Variants in ARRB1 observed in about 807,000 individuals in gnomAD.
ARRB1 encodes beta-arrestin-1.
A neutral mutation model predicts 56.8 loss-of-function variants in ARRB1; 21 were observed. The ratio of observed to expected loss-of-function variants is 0.37; its 90% CI spans 0.26 to 0.53. The LOEUF is 0.53. ARRB1 is among the 20% of genes least tolerant of loss of function. The pLI, the probability that ARRB1 is intolerant of heterozygous loss-of-function variation, is 0.88. For missense variants in ARRB1, 424 were observed against 553.7 expected (o/e 0.77, Z 2.35); for synonymous variants, 210 against 218.6 (o/e 0.96, Z 0.35).
At position 75,280,424 on chromosome 11, in the gene ARRB1, T is replaced by A. The variant is rs951294674; in HGVS notation, c.482+651A>T. On this transcript the variant is annotated intron_variant, in intron 7 of 15. Transcript: ENST00000420843. ...ACCAGTGCCTCTGGATGCAGGCACA[T>A]CAGCGTCGAGGGCCCACCAGCTATT... 3.9e-5 allele frequency among the ~76,000 whole-genome samples: 6 copies of A among 152,324 alleles called. No homozygotes were observed. In the South Asian group the frequency reaches 1.2e-3, roughly 32 times the overall value.
chr11:75,277,511 G>A (rs2140415101), intron 8 of ARRB1, 63 bp from the exon 9 acceptor site: 2 of 1,457,292 alleles, frequency 1.4e-6, no homozygotes, highest in Non-Finnish European at 1.9e-6. Context: ...GGAAAGGGGA[G>A]GGAGAAAAGC....
chr11:75,290,544 T>C (rs955721524), intron 1 of ARRB1, among the ~76,000 whole-genome samples: 1 of 151,336 alleles, frequency 6.6e-6, no homozygotes, highest in Non-Finnish European at 1.5e-5. Flanking sequence ...GGGCCTGAAG[T>C]CCCTCTCTTG....
At chr11:75,332,723 C>T (rs994999362) in intron 1 of ARRB1, among the ~76,000 whole-genome samples, 3 of 152,020 alleles carry the variant, frequency 2.0e-5, no homozygotes, top group Non-Finnish European at 2.9e-5. Context: ...GGTGAAACCC[C>T]GTCTCAACTA....
intron 1 of ARRB1, among the ~76,000 whole-genome samples, chr11:75,298,119 C>T (rs1001267464): frequency 1.3e-5 from 2 of 150,888 alleles, no homozygotes; most frequent in Admixed American, 6.6e-5. Flanking sequence ...GGAGGGATAG[C>T]ATTAGGAGAA....
At chr11:75,300,202 CAAA>C (rs10557397) in intron 1 of ARRB1, among the ~76,000 whole-genome samples, 11 of 87,294 alleles carry the variant, frequency 1.3e-4, no homozygotes, top group Non-Finnish European at 1.7e-4. Context: ...GACTCTGTCT[CAAA>C]AAAAAAAAAA....
chr11:75,343,761 G>A (rs2134999026), intron 1 of ARRB1, among the ~76,000 whole-genome samples: 1 of 152,102 alleles, frequency 6.6e-6, no homozygotes, highest in Non-Finnish European at 1.5e-5. Context: ...CCCAGAGGAG[G>A]CCCCAGAGCA....
Position 75,287,319 on chromosome 11 carries a change from A to G in ARRB1, c.108T>C (p.Pro36=). 2 of 1,555,150 alleles carry G rather than the reference A, an allele frequency of 1.3e-6. No individual in the cohort carries two copies. The highest frequency in any genetic ancestry group is 1.7e-6 in the Non-Finnish European group (2 of 1,148,816). ...TCTCGCCCTCCAGGGACTCACCCAC[A>G]GGGTCCACGAGGTCGATGTGGTCCA... is the stretch of plus-strand genomic sequence containing the variant. ...DFVDHIDLVD[P]VDGVVLVDPE... Residue 36 remains proline, a synonymous_variant, in exon 3 of 16, where the codon CCT becomes CCC. Coordinates refer to ENST00000420843, the MANE Select transcript of ARRB1 (RefSeq NM_004041.5).
chr11:75,321,212 C>T (rs754678475), intron 1 of ARRB1, among the ~76,000 whole-genome samples: 1 of 151,884 alleles, frequency 6.6e-6, no homozygotes, highest in Non-Finnish European at 1.5e-5. Context: ...GACCTCAGCA[C>T]GTGGAAGAAA....
intron 1 of ARRB1, among the ~76,000 whole-genome samples, chr11:75,328,124 A>G (rs1039579503): frequency 6.6e-6 from 1 of 152,092 alleles, no homozygotes. Context: ...ACCCCTGGCA[A>G]CTACCAGTGT....
intron 1 of ARRB1, chr11:75,312,049 A>C: frequency 7.8e-7 from 1 of 1,289,124 alleles, no homozygotes; most frequent in Non-Finnish European, 1.0e-6. Context: ...CCCCTCCTCT[A>C]AGTGCTGATC....
At chr11:75,312,284 G>A (rs907000632) in intron 1 of ARRB1, 4 of 595,030 alleles carry the variant, frequency 6.7e-6, no homozygotes, top group African/African-American at 5.7e-5. Flanking sequence ...GAGGCGTCAG[G>A]GACAGGGCTC....
intron 1 of ARRB1, among the ~76,000 whole-genome samples, chr11:75,351,257 T>G (rs1393216992): frequency 6.6e-6 from 1 of 152,202 alleles, no homozygotes; most frequent in Non-Finnish European, 1.5e-5. Context: ...CCAGCATGCC[T>G]GTGCCACGGG....
chr11:75,328,550 T>C (rs1264771170), intron 1 of ARRB1, among the ~76,000 whole-genome samples: 2 of 152,290 alleles, frequency 1.3e-5, no homozygotes, highest in Non-Finnish European at 2.9e-5. Context: ...CCTTCTTACA[T>C]CCTTGTCTCC....
intron 10 of ARRB1, among the ~76,000 whole-genome samples, chr11:75,275,432 C>T (rs946568404): frequency 2.0e-5 from 3 of 152,166 alleles, no homozygotes; most frequent in African/African-American, 7.2e-5. Flanking sequence ...TAGGCGTGAG[C>T]ACCAGCCCTG....
Position 75,267,067 on chromosome 11 carries a change from C to T in ARRB1, c.1145+585G>A, listed in dbSNP as rs34462044. On this transcript the variant is annotated intron_variant, in intron 15 of 15. Coordinates refer to ENST00000420843, the MANE Select transcript of ARRB1 (RefSeq NM_004041.5). ...GCATGGGGCATCCTCATGGGGTGAC[C>T]TGAGACCCCCACACCCCAGATTTCT... Among the ~76,000 whole-genome samples the T allele has an allele frequency of 9.7e-3, 1,471 of 152,272 alleles. 27 individuals are homozygous for T. The highest frequency in any genetic ancestry group is 0.031 in the African/African-American group (1,293 of 41,562).
intron 4 of ARRB1, among the ~76,000 whole-genome samples, chr11:75,283,792 A>G (rs968929431): frequency 1.2e-4 from 18 of 148,910 alleles, no homozygotes; most frequent in Non-Finnish European, 2.4e-4. Context: ...GGGCTGGAGT[A>G]GTCTGGCAGG....
chr11:75,320,497 C>A (rs879319307), intron 1 of ARRB1, among the ~76,000 whole-genome samples: 16 of 152,164 alleles, frequency 1.1e-4, no homozygotes, highest in African/African-American at 3.9e-4. Flanking sequence ...GAGGCTGGAG[C>A]CTCTGAAAGC....
chr11:75,319,771 A>G (rs527977920), intron 1 of ARRB1, among the ~76,000 whole-genome samples: 4 of 152,300 alleles, frequency 2.6e-5, no homozygotes, highest in African/African-American at 9.6e-5. Context: ...AGACAGGGAA[A>G]GGGACCGTAA....
In ARRB1 at chr11:75,284,216, G is replaced by C. The variant is rs1565115244; in HGVS notation, c.157+19C>G. On this transcript the variant is annotated intron_variant, in intron 4 of 15. Coordinates refer to ENST00000420843, the MANE Select transcript of ARRB1 (RefSeq NM_004041.5). ...AGGAGGCGGCCCTTGACAGGCTGGG[G>C]ATGGGGGCCACAGCCTACCTCTCCG... is the stretch of plus-strand genomic sequence containing the variant. 1.2e-6 allele frequency: 2 copies of C among 1,600,694 alleles called. No homozygotes were observed. The highest frequency in any genetic ancestry group is 1.7e-5 in the Admixed American group (1 of 58,624).
Sources: allele counts gnomAD v4.1 joint callset (sites outside exome capture counted in the v4.1 genomes callset), GRCh38; gene constraint gnomAD v4.1.1; transcripts MANE v1.5; gene names NCBI Gene and HGNC (gene_info 2026-07-23, HGNC 2026-07-21).